Variants in ARHGAP21 observed in about 807,000 individuals in gnomAD.
The protein encoded by ARHGAP21 is Rho GTPase activating protein 21.
Under a neutral mutation model 164.6 loss-of-function variants are expected in ARHGAP21, and 38 were observed. The ratio of observed to expected loss-of-function variants is 0.23; its 90% CI spans 0.18 to 0.30. ARHGAP21 has a LOEUF of 0.30. Ranked by LOEUF, ARHGAP21 falls within the 10% of genes least tolerant of loss-of-function variation. The pLI, the probability that ARHGAP21 is intolerant of heterozygous loss-of-function variation, is 1.00. For missense variants in ARHGAP21, 1,822 were observed against 2,370.7 expected, an observed-to-expected ratio of 0.77 and a Z score of 4.81; for synonymous variants, 766 against 857.9, an observed-to-expected ratio of 0.89 and a Z score of 1.87.
chr10:24,689,122 C>T (rs1297788525), intron 2 of ARHGAP21, among the ~76,000 whole-genome samples: 1 of 152,084 alleles, frequency 6.6e-6, no homozygotes, highest in Middle Eastern at 3.4e-3. Flanking sequence ...ACACTGAGTC[C>T]CTGAAAGACT....
intron 2 of ARHGAP21, among the ~76,000 whole-genome samples, chr10:24,713,489 C>T (rs544380033): frequency 8.0e-4 from 121 of 152,070 alleles, no homozygotes; most frequent in Non-Finnish European, 1.2e-3. Context: ...CTACTTACCC[C>T]GAAACAGATG....
At chr10:24,614,134 A>G (rs1223937302) in intron 9 of ARHGAP21, among the ~76,000 whole-genome samples, 2 of 152,196 alleles carry the variant, frequency 1.3e-5, no homozygotes, top group Admixed American at 1.3e-4. Flanking sequence ...ATTCTAGTAC[A>G]CAGAAAAGCA....
intron 11 of ARHGAP21, among the ~76,000 whole-genome samples, chr10:24,606,928 A>C (rs979489211): frequency 6.6e-6 from 1 of 152,230 alleles, no homozygotes; most frequent in Admixed American, 6.5e-5. Flanking sequence ...CACATGTGCT[A>C]ACCGAACTCT....
chr10:24,688,384 C>G (rs1043652742), intron 2 of ARHGAP21, among the ~76,000 whole-genome samples: 1 of 151,824 alleles, frequency 6.6e-6, no homozygotes, highest in Non-Finnish European at 1.5e-5. Context: ...CAGAGAAAGA[C>G]TCCGTCTCAA....
intron 2 of ARHGAP21, among the ~76,000 whole-genome samples, chr10:24,717,531 A>T (rs868650858): frequency 1.3e-5 from 2 of 152,134 alleles, no homozygotes; most frequent in Admixed American, 6.6e-5. Flanking sequence ...TGAAGAAAAG[A>T]CCAGTATGAT....
intron 25 of ARHGAP21, among the ~76,000 whole-genome samples, chr10:24,587,639 T>C (rs1295067898): frequency 1.3e-5 from 2 of 152,212 alleles, no homozygotes; most frequent in Non-Finnish European, 2.9e-5. Context: ...CTGTAGGGGA[T>C]AATGGTTGTG....
At chr10:24,718,472 C>T (rs1000112203) in intron 2 of ARHGAP21, among the ~76,000 whole-genome samples, 2 of 151,980 alleles carry the variant, frequency 1.3e-5, no homozygotes, top group Non-Finnish European at 2.9e-5. Context: ...GGCCTTGGCT[C>T]TGGATAAAAC....
chr10:24,587,486 A>T (rs1301014823), intron 25 of ARHGAP21, among the ~76,000 whole-genome samples: 1 of 152,182 alleles, frequency 6.6e-6, no homozygotes, highest in Non-Finnish European at 1.5e-5. Context: ...TGTTCTATCA[A>T]AGAATTTAGG....
At chr10:24,650,013 GA>G (rs1344143791) in intron 4 of ARHGAP21, among the ~76,000 whole-genome samples, 4 of 152,018 alleles carry the variant, frequency 2.6e-5, no homozygotes, top group African/African-American at 7.2e-5. Context: ...AAATTAACTA[GA>G]ATGCAGACCA....
intron 4 of ARHGAP21, among the ~76,000 whole-genome samples, chr10:24,657,471 T>G (rs1421708536): frequency 4.3e-4 from 39 of 91,288 alleles, no homozygotes; most frequent in Middle Eastern, 8.6e-3. Flanking sequence ...GTCCGGGAGG[T>G]GAGGGGCGCC....
intron 12 of ARHGAP21, 29 bp downstream of exon 12, chr10:24,604,282 TA>T (rs2076934546): frequency 1.3e-6 from 2 of 1,502,476 alleles, no homozygotes; most frequent in African/African-American, 1.4e-5. Context: ...AGAGATAAAC[TA>T]AGGTAAGTAG....
chr10:24,695,855 C>CA (rs949271840), intron 2 of ARHGAP21, among the ~76,000 whole-genome samples: 5 of 152,176 alleles, frequency 3.3e-5, no homozygotes, highest in Admixed American at 2.6e-4. Context: ...ATCCTGAAAG[C>CA]AGACCCTTCC....
chr10:24,595,256 C>T, intron 19 of ARHGAP21, 66 bp from the exon 20 acceptor site: 1 of 1,322,596 alleles, frequency 7.6e-7, no homozygotes. Flanking sequence ...TCTAGTTTCC[C>T]TTTAAGGATC....
At chr10:24,613,435 A>T (rs895921665) in intron 9 of ARHGAP21, among the ~76,000 whole-genome samples, 2 of 152,302 alleles carry the variant, frequency 1.3e-5, no homozygotes, top group Admixed American at 1.3e-4. Flanking sequence ...CGTAACTGGA[A>T]TTCAATTTTC....
chr10:24,652,877 A>G (rs1038254038), intron 4 of ARHGAP21, among the ~76,000 whole-genome samples: 1 of 152,196 alleles, frequency 6.6e-6, no homozygotes, highest in Non-Finnish European at 1.5e-5. Flanking sequence ...AAATGTAATC[A>G]TATGCATACC....
At chr10:24,666,613 T>G (rs1469270381) in intron 4 of ARHGAP21, among the ~76,000 whole-genome samples, 4 of 152,226 alleles carry the variant, frequency 2.6e-5, no homozygotes, top group African/African-American at 4.8e-5. Flanking sequence ...TTCTTTTCAA[T>G]ATTTGACTCA....
Position 24,619,949 on chromosome 10 carries a change from T to C in ARHGAP21, c.1946A>G (p.Gln649Arg), listed in dbSNP as rs745930935. ...CTGATGCAAGTGATTTACTGGTCTT[T>C]GGTCTTTGATAGAAACAAATGATTT... ...SQKSFVSIKD[Q>R]RPVNHLHQNS... is the part of the protein sequence containing the mutation. Residue 649 changes from glutamine (Q) to arginine (R), a missense_variant, in exon 9 of 26, where the codon CAA (glutamine) becomes CGA (arginine). Physicochemically the swap from Gln to Arg is conservative, Grantham distance 43. Around this residue, in one of 5 missense-constraint regions of ARHGAP21, gnomAD observed 1,090 missense variants for 1,378.9 expected, o/e 0.79. Coordinates refer to ENST00000396432, the MANE Select transcript of ARHGAP21 (RefSeq NM_020824.4). The C allele has an allele frequency of 2.0e-5, 32 of 1,614,120 alleles. No individual in the cohort carries two copies. The highest frequency in any genetic ancestry group is 3.3e-5 in the Admixed American group (2 of 60,022).
chr10:24,665,831 G>A (rs1840137904), intron 4 of ARHGAP21, among the ~76,000 whole-genome samples: 1 of 152,146 alleles, frequency 6.6e-6, no homozygotes. Flanking sequence ...AAAAATAACT[G>A]ATCAGTACTA....
At chr10:24,628,818 T>C (rs12266144) in intron 7 of ARHGAP21, among the ~76,000 whole-genome samples, 2 of 140,958 alleles carry the variant, frequency 1.4e-5, no homozygotes, top group South Asian at 4.4e-4. Context: ...TATATATACA[T>C]ATACACACAT....
Sources: gnomAD v4.1 joint callset for allele counts (sites outside exome capture counted in the v4.1 genomes callset) on GRCh38, gnomAD v4.1.1 for gene constraint, gnomAD v4.1.1 regional missense constraint, MANE v1.5 for transcripts, NCBI Gene and HGNC (gene_info 2026-07-23, HGNC 2026-07-21) for gene names.